ASTN2: variants seen among roughly 807,000 people sequenced by gnomAD.
ASTN2 encodes astrotactin 2, also known as astrotactin-2.
A neutral mutation model predicts 139.8 loss-of-function variants in ASTN2; 54 were observed. The observed-to-expected ratio is 0.39, with a 90% confidence interval of 0.31 to 0.48. The LOEUF (loss-of-function observed/expected upper bound fraction) is 0.48, where lower values mean the gene tolerates loss of function less well. ASTN2 is among the 20% of genes least tolerant of loss of function. The probability of loss-of-function intolerance (pLI) is 0.95; values close to 1 mark genes in which losing one functional copy is unlikely to be tolerated. For missense variants in ASTN2, 1,565 were observed against 1,725.1 expected (o/e 0.91, Z 1.64); for synonymous variants, 756 against 719.5 (o/e 1.05, Z -0.81).
intron 1 of ASTN2, among the ~76,000 whole-genome samples, chr9:117,407,491 A>G (rs1831030027): frequency 6.6e-6 from 1 of 152,228 alleles, no homozygotes; most frequent in South Asian, 2.1e-4. Flanking sequence ...GGGATGAAGA[A>G]GTAGTTTCCC....
chr9:117,110,000 A>C (rs762307033), intron 4 of ASTN2, among the ~76,000 whole-genome samples: 137 of 152,150 alleles, frequency 9.0e-4, no homozygotes, highest in Non-Finnish European at 1.7e-3. Flanking sequence ...TCTTCTCTGA[A>C]ATACGCCTAT....
intron 13 of ASTN2, among the ~76,000 whole-genome samples, chr9:116,780,843 C>CA (rs1830200031): frequency 6.9e-6 from 1 of 144,842 alleles, no homozygotes; most frequent in African/African-American, 2.5e-5. Context: ...ATGTCAAATT[C>CA]TTTTTTTTTT....
intron 1 of ASTN2, among the ~76,000 whole-genome samples, chr9:117,353,569 G>A (rs1424486701): frequency 2.6e-5 from 4 of 152,180 alleles, no homozygotes; most frequent in African/African-American, 9.7e-5. Flanking sequence ...ACACCTTGGT[G>A]CTAAAAAGAT....
intron 1 of ASTN2, among the ~76,000 whole-genome samples, chr9:117,411,851 G>T (rs1216081149): frequency 6.6e-6 from 1 of 152,218 alleles, no homozygotes. Context: ...AGCTGATAGT[G>T]AAAGCTGCCC....
chr9:117,183,869 C>T (rs1372070000), intron 3 of ASTN2, among the ~76,000 whole-genome samples: 1 of 152,230 alleles, frequency 6.6e-6, no homozygotes, highest in Non-Finnish European at 1.5e-5. Context: ...AGAATATCCT[C>T]TACTGCCCTC....
intron 16 of ASTN2, among the ~76,000 whole-genome samples, chr9:116,682,791 C>T (rs959421975): frequency 6.6e-6 from 1 of 152,052 alleles, no homozygotes; most frequent in African/African-American, 2.4e-5. Flanking sequence ...AAACCAAACA[C>T]CGCATATTCT....
chr9:117,145,132 G>A, intron 3 of ASTN2, among the ~76,000 whole-genome samples: 1 of 152,110 alleles, frequency 6.6e-6, no homozygotes, highest in East Asian at 1.9e-4. Context: ...TTTCTATATG[G>A]AAACCTCAGA....
intron 1 of ASTN2, among the ~76,000 whole-genome samples, chr9:117,356,728 C>T (rs1829548955): frequency 6.6e-6 from 1 of 152,108 alleles, no homozygotes. Context: ...AAAAAAAATA[C>T]TGGAAAACAA....
intron 19 of ASTN2, among the ~76,000 whole-genome samples, chr9:116,572,566 C>T (rs1202701427): frequency 6.6e-6 from 1 of 152,182 alleles, no homozygotes; most frequent in Non-Finnish European, 1.5e-5. Flanking sequence ...GCGTCTTAAG[C>T]AGATGGTGAG....
intron 10 of ASTN2, among the ~76,000 whole-genome samples, chr9:116,942,299 A>G (rs1835263986): frequency 2.0e-5 from 3 of 152,014 alleles, no homozygotes; most frequent in Non-Finnish European, 4.4e-5. Context: ...TTGAACCTCC[A>G]CTGAACTCAC....
intron 10 of ASTN2, among the ~76,000 whole-genome samples, chr9:116,927,080 G>A (rs754605003): frequency 7.2e-5 from 11 of 152,310 alleles, no homozygotes; most frequent in Admixed American, 2.6e-4. Context: ...TCCTTGAGAA[G>A]GCTAAGGAGG....
At chr9:116,500,087 C>T (rs754338122) in intron 19 of ASTN2, among the ~76,000 whole-genome samples, 13 of 152,114 alleles carry the variant, frequency 8.5e-5, no homozygotes, top group Non-Finnish European at 1.9e-4. Context: ...GCCTGACGAA[C>T]CCTGGAGTTT....
chr9:116,738,952 G>A (rs1829020095), intron 13 of ASTN2, among the ~76,000 whole-genome samples: 1 of 152,062 alleles, frequency 6.6e-6, no homozygotes, highest in Non-Finnish European at 1.5e-5. Flanking sequence ...AAGCATTTTT[G>A]AGAGATGCTT....
intron 11 of ASTN2, among the ~76,000 whole-genome samples, chr9:116,856,283 A>T (rs1016503637): frequency 2.0e-4 from 30 of 152,214 alleles, no homozygotes; most frequent in African/African-American, 7.0e-4. Flanking sequence ...TTAGCTTTGA[A>T]AGTCCATTTC....
intron 6 of ASTN2, among the ~76,000 whole-genome samples, chr9:117,028,589 AC>A (rs1216685159): frequency 1.3e-5 from 2 of 148,798 alleles, no homozygotes; most frequent in African/African-American, 4.8e-5. Flanking sequence ...GCTTCCCACT[AC>A]TTTATTTTTC....
At chr9:116,462,132 C>T (rs147223274) in intron 20 of ASTN2, among the ~76,000 whole-genome samples, 88 of 152,288 alleles carry the variant, frequency 5.8e-4, no homozygotes, top group Non-Finnish European at 1.1e-3. Flanking sequence ...ATTCTAAAGA[C>T]CACTCTCTTT....
intron 1 of ASTN2, among the ~76,000 whole-genome samples, chr9:117,336,176 T>A (rs1828878403): frequency 6.6e-6 from 1 of 151,506 alleles, no homozygotes; most frequent in Non-Finnish European, 1.5e-5. Flanking sequence ...ATGGTAAGAG[T>A]TTGAAGGAGG....
chr9:116,637,303 A>G (rs1857121464), intron 17 of ASTN2, among the ~76,000 whole-genome samples: 1 of 152,204 alleles, frequency 6.6e-6, no homozygotes, highest in South Asian at 2.1e-4. Context: ...GTCACTTAGA[A>G]TTGGAGAGAG....
intron 2 of ASTN2, among the ~76,000 whole-genome samples, chr9:117,231,751 G>A (rs564078976): frequency 2.0e-5 from 3 of 152,196 alleles, no homozygotes; most frequent in South Asian, 2.1e-4. Flanking sequence ...GGTGAGAGAG[G>A]ATAGAAGGAA....
Sources: allele counts gnomAD v4.1 joint callset (sites outside exome capture counted in the v4.1 genomes callset), GRCh38; gene constraint gnomAD v4.1.1; transcripts MANE v1.5; gene names NCBI Gene and HGNC (gene_info 2026-07-23, HGNC 2026-07-21).